NCAM2: variants seen among roughly 807,000 people sequenced by gnomAD.
NCAM2 encodes the protein neural cell adhesion molecule 2.
Under a neutral mutation model 98.1 loss-of-function variants are expected in NCAM2, and 30 were observed. That is an observed-to-expected ratio of 0.31 (90% CI 0.23 to 0.41). The LOEUF is 0.41. Among genes scored for constraint, NCAM2 ranks in the 10% least tolerant of loss-of-function variants. The pLI is 1.00. For missense variants in NCAM2, 867 were observed against 1,005.8 expected (o/e 0.86, Z 1.87); for synonymous variants, 368 against 342.4 (o/e 1.07, Z -0.83).
rs778688875 is a variant in NCAM2, at chr21:21,446,104, C to G, written c.1654+13823C>G. 3.9e-5 allele frequency among the ~76,000 whole-genome samples: 6 copies of G among 151,932 alleles called. 1 individual carries two copies. The South Asian group carries it at 1.2e-3, about 32-fold the overall frequency. ...CTTCAGTTATGATGCTTAGTTTGGCCGGGTATGAAATTCTGCATTGAAAAT... is the reference window on the plus strand; with the variant it reads ...CTTCAGTTATGATGCTTAGTTTGGCGGGGTATGAAATTCTGCATTGAAAAT... On this transcript the variant is annotated intron_variant, in intron 12 of 17. Transcript: ENST00000400546.
chr21:21,017,146 C>T (rs1235454393), intron 1 of NCAM2, among the ~76,000 whole-genome samples: 1 of 152,036 alleles, frequency 6.6e-6, no homozygotes, highest in Admixed American at 6.5e-5. Flanking sequence ...AGAAATGGGG[C>T]TGGGTGCCAT....
chr21:21,401,475 A>G lies in NCAM2; in HGVS notation c.1196-8799A>G, dbSNP rs149537440. The stretch of plus-strand genomic sequence containing the variant: ...ACATCTTTCTATTCCTCTTACCACC[A>G]TAACCTCTGGTAACCACCAACCTAC... On this transcript the variant is annotated intron_variant, in intron 9 of 17. Transcript: ENST00000400546. Among the ~76,000 whole-genome samples, 1,371 of 152,288 alleles carry G rather than the reference A, an allele frequency of 9.0e-3. 18 individuals are homozygous for G. The highest frequency in any genetic ancestry group is 0.03 in the African/African-American group (1,267 of 41,574).
In NCAM2 at chr21:21,063,479, C is replaced by G. The variant is rs555679947; in HGVS notation, c.55+64861C>G. On this transcript the variant is annotated intron_variant, in intron 1 of 17. Coordinates refer to ENST00000400546, the MANE Select transcript of NCAM2 (RefSeq NM_004540.5). ...CAAGTGATCCACCCGCCTCAGCCTC[C>G]CAAAGTGCTGGGATTACAGGCATGA... Among the ~76,000 whole-genome samples, 12 of 152,062 alleles carry G rather than the reference C, an allele frequency of 7.9e-5. No homozygotes were observed. In the South Asian group the frequency reaches 2.1e-3, roughly 26 times the overall value.
chr21:21,232,298 A>G (rs2070661469), intron 1 of NCAM2, among the ~76,000 whole-genome samples: 1 of 151,700 alleles, frequency 6.6e-6, no homozygotes, highest in African/African-American at 2.4e-5. Flanking sequence ...ATGGATACAC[A>G]TTCATATATA....
intron 17 of NCAM2, 74 bp downstream of exon 17, chr21:21,534,730 T>A: frequency 8.2e-7 from 1 of 1,217,230 alleles, no homozygotes; most frequent in Middle Eastern, 2.1e-4. Context: ...ATTGTTGTAT[T>A]ACATATTTAA....
intron 1 of NCAM2, among the ~76,000 whole-genome samples, chr21:21,212,751 T>TG (rs2069708720): frequency 6.6e-6 from 1 of 150,718 alleles, no homozygotes; most frequent in South Asian, 2.1e-4. Context: ...GCTTTTTTTT[T>TG]TTTTTTTTTG....
intron 1 of NCAM2, among the ~76,000 whole-genome samples, chr21:21,012,991 G>A (rs1245305685): frequency 1.3e-5 from 2 of 152,086 alleles, no homozygotes; most frequent in Admixed American, 6.6e-5. Context: ...CTGACTGGCT[G>A]TTTCCTGGTA....
At chr21:21,333,312 C>T (rs1182355383) in intron 6 of NCAM2, among the ~76,000 whole-genome samples, 1 of 151,960 alleles carries the variant, frequency 6.6e-6, no homozygotes, top group Non-Finnish European at 1.5e-5. Context: ...CAAGTTTTGC[C>T]CCTCTACTTC....
intron 16 of NCAM2, among the ~76,000 whole-genome samples, chr21:21,532,469 CTTG>C (rs1416479571): frequency 2.0e-5 from 3 of 151,938 alleles, no homozygotes; most frequent in Non-Finnish European, 4.4e-5. Flanking sequence ...ACCATTTTCT[CTTG>C]TTAATCTTGA....
intron 2 of NCAM2, among the ~76,000 whole-genome samples, chr21:21,281,280 ATAT>A (rs1239117055): frequency 6.6e-6 from 1 of 152,238 alleles, no homozygotes; most frequent in African/African-American, 2.4e-5. Flanking sequence ...CTAAACAGTA[ATAT>A]TAGGATGAAT....
intron 1 of NCAM2, among the ~76,000 whole-genome samples, chr21:21,163,596 G>T (rs2067858994): frequency 6.6e-6 from 1 of 152,182 alleles, no homozygotes; most frequent in South Asian, 2.1e-4. Flanking sequence ...TAATGAATTA[G>T]ATCTTTTAAG....
intron 1 of NCAM2, among the ~76,000 whole-genome samples, chr21:21,010,004 C>A (rs555072915): frequency 6.6e-6 from 1 of 151,036 alleles, no homozygotes; most frequent in African/African-American, 2.4e-5. Flanking sequence ...TTTTGGATAC[C>A]CCAGAAAATC....
rs531797537 is a variant in NCAM2 at position 21,057,617 on chromosome 21, T to C, written c.55+58999T>C. 5.3e-5 allele frequency among the ~76,000 whole-genome samples: 8 copies of C among 152,254 alleles called. No individual in the cohort carries two copies. The South Asian group carries it at 1.7e-3, about 32-fold the overall frequency. On this transcript the variant is annotated intron_variant, in intron 1 of 17. Transcript: ENST00000400546. Reference sequence around the variant, plus strand: ...TCATCCTTCATCTAATCTGTGCTCATAACTTTTCCCCATCACGACTGCTTT... The same window carrying C: ...TCATCCTTCATCTAATCTGTGCTCACAACTTTTCCCCATCACGACTGCTTT...
At chr21:21,082,123 GA>G (rs1242059187) in intron 1 of NCAM2, among the ~76,000 whole-genome samples, 1 of 150,146 alleles carries the variant, frequency 6.7e-6, no homozygotes, top group Admixed American at 6.6e-5. Context: ...AACTACTCGG[GA>G]GGCTGAGACA....
At chr21:21,058,227 A>C (rs1330307014) in intron 1 of NCAM2, among the ~76,000 whole-genome samples, 1 of 3,360 alleles carries the variant, frequency 3.0e-4, no homozygotes, top group Non-Finnish European at 3.4e-3. Context: ...AACAAGATAT[A>C]AAACAGCAGT....
At position 21,375,720 on chromosome 21, in the gene NCAM2, A is replaced by T. The variant is rs577566733; in HGVS notation, c.1195+1707A>T. ...AAAATTTACTTTATGATTTTTTTTA[A>T]TTTTTCTAAATGTGAATCTAAATGA... On this transcript the variant is annotated intron_variant, in intron 9 of 17. Coordinates refer to ENST00000400546, the MANE Select transcript of NCAM2 (RefSeq NM_004540.5). 3.4e-4 allele frequency among the ~76,000 whole-genome samples: 52 copies of T among 150,896 alleles called. 1 individual carries two copies. The highest frequency in any genetic ancestry group is 1.2e-3 in the African/African-American group (49 of 41,258).
chr21:21,285,163 T>C (rs1168174921), intron 3 of NCAM2, among the ~76,000 whole-genome samples: 1 of 151,860 alleles, frequency 6.6e-6, no homozygotes, highest in African/African-American at 2.4e-5. Context: ...TTAAATTATA[T>C]TGCATAAAGT....
intron 9 of NCAM2, among the ~76,000 whole-genome samples, chr21:21,394,500 T>G (rs1053816956): frequency 1.0e-4 from 9 of 89,684 alleles, no homozygotes; most frequent in African/African-American, 4.2e-4. Flanking sequence ...TTTTTTTTTT[T>G]TTTTTTGAGA....
At chr21:21,233,560 T>G (rs936710946) in intron 1 of NCAM2, among the ~76,000 whole-genome samples, 4 of 151,858 alleles carry the variant, frequency 2.6e-5, no homozygotes, top group Admixed American at 2.6e-4. Flanking sequence ...TTATATTGTT[T>G]AGATAAAAAT....
Sources: gnomAD v4.1 joint callset for allele counts (sites outside exome capture counted in the v4.1 genomes callset) on GRCh38, gnomAD v4.1.1 for gene constraint, MANE v1.5 for transcripts, NCBI Gene and HGNC (gene_info 2026-07-23, HGNC 2026-07-21) for gene names.